The following ZNF517 variants were observed in gnomAD, a reference collection of about 807,000 sequenced individuals.
ZNF517 encodes the protein zinc finger protein 517.
In ZNF517, 12 loss-of-function variants were observed where a neutral mutation model predicts 12.1. The ratio of observed to expected loss-of-function variants is 0.99; its 90% confidence interval spans 0.63 to 1.61. ZNF517 has a LOEUF of 1.61. Among genes scored for constraint, ZNF517 ranks in the 40% most tolerant of loss-of-function variants. ZNF517 has a pLI of 0.00. For missense variants in ZNF517, 781 were observed against 693.2 expected (o/e 1.13, Z -1.42); for synonymous variants, 388 against 310.2 (o/e 1.25, Z -2.63).
In ZNF517 at chr8:144,807,825, C is replaced by T. The variant is rs747054352; in HGVS notation, c.909C>T (p.Thr303=). The part of the protein sequence containing the change: ...ECGKAFCRRF[T]LNEHGRIHSG... ...GCAAGGCGTTCTGCCGCAGGTTCAC[C>T]CTCAACGAGCACGGCCGCATCCACA... Residue 303 remains threonine, a synonymous_variant, in exon 5 of 5, where the codon ACC becomes ACT. Coordinates refer to ENST00000359971, the MANE Select transcript of ZNF517 (RefSeq NM_213605.3). 10 of 1,606,320 alleles carry T rather than the reference C, an allele frequency of 6.2e-6. No individual in the cohort carries two copies. The highest frequency in any genetic ancestry group is 5.4e-5 in the African/African-American group (4 of 74,418).
rs1295682415 is a variant in ZNF517, at chr8:144,798,944, C to A, written c.-46+7C>A. ...GCTGTCTCGGCGGCCCAGGGTGAGT[C>A]GGCCGCGGCCGCGGGGCGGGGACTG... On this transcript the variant is annotated splice_region_variant and intron_variant, in intron 1 of 4. Transcript: ENST00000359971. The A allele has an allele frequency of 1.3e-5, 2 of 152,044 alleles. No individual in the cohort carries two copies. Among genetic ancestry groups the A allele is most frequent in the African/African-American group, 4.8e-5 (2 of 41,408 alleles). The allele number at this position is 152,044 out of a possible 1,614,324, so 9.4% of individuals were successfully genotyped here.
chr8:144,800,630 G>A, intron 1 of ZNF517: 1 of 985,378 alleles, frequency 1.0e-6, no homozygotes, highest in Non-Finnish European at 1.2e-6. Flanking sequence ...AGACTGCCCT[G>A]GACAGACAGT....
In ZNF517 at chr8:144,807,722, C is replaced by T. The variant is rs766673511; in HGVS notation, c.806C>T (p.Ala269Val). 6.2e-7 allele frequency: 1 copy of T among 1,611,968 alleles called. No homozygotes were observed. Among genetic ancestry groups the T allele is most frequent in the South Asian group, 1.1e-5 (1 of 90,994 alleles). ...RPYACGECGK[A>V]FSRSSRLLQH... ...TACGCATGCGGCGAGTGCGGCAAGG[C>T]CTTCAGCCGCAGCTCCCGGCTGCTG... The change falls in exon 5 of 5, where the codon GCC (alanine) becomes GTC (valine). Residue 269 changes from alanine (A) to valine (V), a missense_variant. By Grantham distance (64) the Ala-to-Val change is moderately conservative (BLOSUM62 0). Transcript: ENST00000359971.
At chr8:144,813,338 A>T (rs1335551875), downstream of ZNF517, among the ~76,000 whole-genome samples, 1 of 150,252 alleles carries the variant, frequency 6.7e-6, no homozygotes, top group African/African-American at 2.4e-5. Context: ...AAAAAAAAGA[A>T]AATTAACCAA....
rs761651298 is a variant in ZNF517 at position 144,807,445 on chromosome 8, C to G, written c.529C>G (p.Arg177Gly). 14 of 1,574,404 alleles carry G rather than the reference C, an allele frequency of 8.9e-6. No homozygotes were observed. Among genetic ancestry groups the G allele is most frequent in the South Asian group, 1.2e-5 (1 of 86,548 alleles). Reference protein sequence around the residue: ...LGRPVGSSAPRYRCVCGKAFR... With the variant: ...LGRPVGSSAPGYRCVCGKAFR... ...CCGGCCTGTGGGGAGCTCAGCCCCC[C>G]GCTACAGGTGCGTGTGCGGCAAGGC... The change falls in exon 5 of 5, where the codon CGC (arginine) becomes GGC (glycine). Residue 177 changes from arginine (R) to glycine (G), a missense_variant. Arg to Gly is a moderately radical substitution (Grantham distance 125). Transcript: ENST00000359971.
intron 2 of ZNF517, chr8:144,803,419 C>G (rs1827064011): frequency 7.0e-6 from 4 of 572,984 alleles, no homozygotes; most frequent in Non-Finnish European, 9.0e-6. Flanking sequence ...AAATCTCTCT[C>G]CCTCCCCCAA....
chr8:144,807,520 G>T lies in ZNF517; in HGVS notation c.604G>T (p.Ala202Ser), dbSNP rs1287600567. The T allele has an allele frequency of 6.3e-7, 1 of 1,593,736 alleles. No individual in the cohort carries two copies. The highest frequency in any genetic ancestry group is 8.5e-7 in the Non-Finnish European group (1 of 1,170,594). Residue 202 changes from alanine (A) to serine (S), a missense_variant, in exon 5 of 5, where the codon GCC (alanine) becomes TCC (serine). Coordinates refer to ENST00000359971, the MANE Select transcript of ZNF517 (RefSeq NM_213605.3). ...LLRHQIIHTGAKPFQCTECGK... is the reference protein window; with the variant it reads ...LLRHQIIHTGSKPFQCTECGK... Reference sequence around the variant, plus strand: ...CAGGCACCAGATCATCCACACCGGCGCCAAGCCCTTCCAGTGCACAGAGTG... The same window carrying T: ...CAGGCACCAGATCATCCACACCGGCTCCAAGCCCTTCCAGTGCACAGAGTG...
chr8:144,800,489 G>GAGGGTGGT, intron 1 of ZNF517: 1 of 985,274 alleles, frequency 1.0e-6, no homozygotes, highest in Non-Finnish European at 1.2e-6. Context: ...TACCAGAGTG[G>GAGGGTGGT]AGGGTGGTAT....
chr8:144,803,011 C>G, intron 2 of ZNF517, 64 bp downstream of exon 2: 1 of 1,605,238 alleles, frequency 6.2e-7, no homozygotes, highest in Non-Finnish European at 8.5e-7. Flanking sequence ...CTCAGCTTTT[C>G]AGCCCTGAGA....
At chr8:144,799,527 A>G (rs62531503) in intron 1 of ZNF517, among the ~76,000 whole-genome samples, 5,557 of 152,328 alleles carry the variant, frequency 0.036, 222 homozygotes, top group African/African-American at 0.1. Context: ...GTAACAGGCA[A>G]TAACGCAGCA....
In ZNF517 at chr8:144,808,431, G is replaced by C; in HGVS notation, c.*36G>C. The C allele has an allele frequency of 6.9e-7, 1 of 1,440,076 alleles. No homozygotes were observed. Among genetic ancestry groups the C allele is most frequent in the Non-Finnish European group, 9.1e-7 (1 of 1,097,372 alleles). 89.2% of individuals were successfully genotyped at this position (1,440,076 alleles called of 1,614,324 possible). A position where few individuals can be genotyped will look rare whatever the true frequency, so the allele number is the denominator to read the frequency against. Reference sequence around the variant, plus strand: ...GACAGGCCGAGGATTCACGCTGGAAGCCCACCCAAGCCGGCGGGGCCCTAG... The same window carrying C: ...GACAGGCCGAGGATTCACGCTGGAACCCCACCCAAGCCGGCGGGGCCCTAG... On this transcript the variant is annotated 3_prime_UTR_variant, in exon 5 of 5. Transcript: ENST00000359971.
At chr8:144,804,412 AT>A (rs1490122310) in intron 4 of ZNF517, among the ~76,000 whole-genome samples, 174 bp downstream of exon 4, 1 of 152,140 alleles carries the variant, frequency 6.6e-6, no homozygotes, top group Admixed American at 6.5e-5. Flanking sequence ...AAACTAACTT[AT>A]GCAGGAAGAC....
At position 144,804,115 on chromosome 8, in the gene ZNF517, C is replaced by T. The variant is rs759785123; in HGVS notation, c.161-10C>T. 7 of 1,613,222 alleles carry T rather than the reference C, an allele frequency of 4.3e-6. No homozygotes were observed. The highest frequency in any genetic ancestry group is 2.2e-5 in the South Asian group (2 of 90,952). On this transcript the variant is annotated splice_polypyrimidine_tract_variant and intron_variant, in intron 3 of 4. Coordinates refer to ENST00000359971, the MANE Select transcript of ZNF517 (RefSeq NM_213605.3). ...TACTGATACGTGCTGCTTTCCTTCT[C>T]TGAGCTTAGGCTTTCTTGTTGCCAA...
intron 1 of ZNF517, chr8:144,800,685 G>A (rs986781891): frequency 1.0e-6 from 1 of 985,254 alleles, no homozygotes; most frequent in South Asian, 4.7e-5. Flanking sequence ...TCTTCCATGC[G>A]TTTGCAGTCT....
intron 1 of ZNF517, among the ~76,000 whole-genome samples, chr8:144,799,258 C>T (rs1003501719): frequency 6.6e-6 from 1 of 152,212 alleles, no homozygotes; most frequent in African/African-American, 2.4e-5. Context: ...GAGGACCAGG[C>T]TCTGCCCCTC....
rs773352405 is a variant in ZNF517 at position 144,808,185 on chromosome 8, CT to C, written c.1271del (p.Phe424SerfsTer16). 1.2e-6 allele frequency: 2 copies of C among 1,609,932 alleles called. No homozygotes were observed. On this transcript the variant is annotated frameshift_variant, in exon 5 of 5. Coordinates refer to ENST00000359971, the MANE Select transcript of ZNF517 (RefSeq NM_213605.3). LOFTEE classifies it low-confidence loss of function (END_TRUNC). ...HQKIHTKEKP[F>X]ACTECGKAFR... ...AGAAGATCCACACCAAGGAGAAGCCCTTCGCGTGCACCGAGTGCGGCAAGGC... is the reference window on the plus strand; with the variant it reads ...AGAAGATCCACACCAAGGAGAAGCCCTCGCGTGCACCGAGTGCGGCAAGGC...
chr8:144,808,282 G>T lies in ZNF517; in HGVS notation c.1366G>T (p.Ala456Ser). The change falls in exon 5 of 5, where the codon GCC becomes TCC. Residue 456 changes from alanine to serine, a missense_variant. Coordinates refer to ENST00000359971, the MANE Select transcript of ZNF517 (RefSeq NM_213605.3). ...HSGERPYRCR[A>S]CGRACSRLST... ...CGGCGAGAGGCCATACCGGTGCCGCGCCTGCGGGAGGGCCTGCAGCCGGCT... is the reference window on the plus strand; with the variant it reads ...CGGCGAGAGGCCATACCGGTGCCGCTCCTGCGGGAGGGCCTGCAGCCGGCT... The T allele has an allele frequency of 1.3e-6, 2 of 1,561,304 alleles. No individual in the cohort carries two copies. Among genetic ancestry groups the T allele is most frequent in the Non-Finnish European group, 1.7e-6 (2 of 1,151,670 alleles).
Position 144,799,314 on chromosome 8 carries a change from C to T in ZNF517, c.-46+377C>T, listed in dbSNP as rs142483264. Among the ~76,000 whole-genome samples, 816 of 152,332 alleles carry T rather than the reference C, an allele frequency of 5.4e-3. 5 individuals are homozygous for T. Among genetic ancestry groups the T allele is most frequent in the African/African-American group, 0.019 (781 of 41,582 alleles). On this transcript the variant is annotated intron_variant, in intron 1 of 4. Transcript: ENST00000359971. ...TCTTCCCGGCAGCCTCGCTCCCCGG[C>T]GGACGCCGTTTCCCGCAGCGTTCAT...
Position 144,807,777 on chromosome 8 carries a change from G to T in ZNF517, c.861G>T (p.Lys287Asn). Residue 287 changes from lysine (K) to asparagine (N), a missense_variant, in exon 5 of 5, where the codon AAG becomes AAT. Lys to Asn is a moderately conservative substitution (Grantham distance 94). Transcript: ENST00000359971. ...ACCAGAAGTTCCACACCGGGGAGAA[G>T]CCCTTCGCGTGCACAGAGTGCGGCA... is the stretch of plus-strand genomic sequence containing the variant. ...LQHQKFHTGE[K>N]PFACTECGKA... The T allele has an allele frequency of 6.2e-7, 1 of 1,612,206 alleles. No homozygotes were observed. The highest frequency in any genetic ancestry group is 1.1e-5 in the South Asian group (1 of 91,050).
Sources: gnomAD v4.1 joint callset for allele counts (sites outside exome capture counted in the v4.1 genomes callset) on GRCh38, gnomAD v4.1.1 for gene constraint, MANE v1.5 for transcripts, NCBI Gene and HGNC (gene_info 2026-07-23, HGNC 2026-07-21) for gene names.